Variants in GAS7 observed in about 807,000 individuals in gnomAD.
The protein encoded by GAS7 is growth arrest specific 7, also known as growth arrest-specific protein 7.
Under a neutral mutation model 71.1 loss-of-function variants are expected in GAS7, and 28 were observed. That is an observed-to-expected ratio of 0.39 (90% CI 0.29 to 0.54). The LOEUF (loss-of-function observed/expected upper bound fraction) is 0.54, where lower values mean the gene tolerates loss of function less well. Among genes scored for constraint, GAS7 ranks in the 20% least tolerant of loss-of-function variants. GAS7 has a pLI of 0.62. For missense variants in GAS7, 436 were observed against 627.8 expected (o/e 0.69, Z 3.27); for synonymous variants, 258 against 245.8 (o/e 1.05, Z -0.46).
In GAS7 at chr17:10,160,939, T is replaced by C. The variant is rs371177445; in HGVS notation, c.183+37269A>G. Among the ~76,000 whole-genome samples the C allele has an allele frequency of 2.5e-3, 355 of 139,658 alleles. 2 individuals are homozygous for C. Among genetic ancestry groups the C allele is most frequent in the African/African-American group, 8.6e-3 (324 of 37,684 alleles). 91.6% of individuals were successfully genotyped at this position (139,658 alleles called of 152,430 possible). The stretch of plus-strand genomic sequence containing the variant: ...TTGGAAGCCATAGAAATTGAAACCA[T>C]ACACACACACACACACACACACACA... On this transcript the variant is annotated intron_variant, in intron 1 of 13. Transcript: ENST00000432992.
chr17:9,931,526 A>G (rs1368477097), intron 9 of GAS7, among the ~76,000 whole-genome samples: 1 of 152,112 alleles, frequency 6.6e-6, no homozygotes, highest in South Asian at 2.1e-4. Context: ...AGTTTCTACC[A>G]CAGCAGAGAA....
intron 1 of GAS7, among the ~76,000 whole-genome samples, chr17:10,195,469 C>T (rs903889753): frequency 6.6e-5 from 10 of 152,228 alleles, no homozygotes; most frequent in South Asian, 2.1e-4. Context: ...GTGAAAGTTC[C>T]GCTGGAGTAG....
At chr17:10,134,052 TG>T (rs11334808) in intron 1 of GAS7, among the ~76,000 whole-genome samples, 135,494 of 151,622 alleles carry the variant, frequency 0.89, 60,666 homozygotes, top group East Asian at 1. Flanking sequence ...TTTTTTGAGA[TG>T]GGAGTCTCGC....
chr17:10,023,582 A>T (rs1010395607), intron 1 of GAS7, among the ~76,000 whole-genome samples: 1 of 152,250 alleles, frequency 6.6e-6, no homozygotes, highest in Non-Finnish European at 1.5e-5. Context: ...GAAAGGAGCC[A>T]GACACAAAAG....
rs530728823 is a variant in GAS7, at chr17:10,061,619, G to A, written c.184-41722C>T. ...ATAGTTCAGCTTCTTTTCTAGCTTC[G>A]TCCAAAGATGCACACAAGCACCGAC... On this transcript the variant is annotated intron_variant, in intron 1 of 13. Coordinates refer to ENST00000432992, the MANE Select transcript of GAS7 (RefSeq NM_201433.2). 1.6e-4 allele frequency among the ~76,000 whole-genome samples: 25 copies of A among 152,106 alleles called. No homozygotes were observed. The South Asian group carries it at 4.4e-3, about 27-fold the overall frequency.
chr17:9,915,668 C>T lies in GAS7; in HGVS notation c.*1560G>A, dbSNP rs2067564413. 4.4e-6 allele frequency: 1 copy of T among 229,698 alleles called. No homozygotes were observed. Among genetic ancestry groups the T allele is most frequent in the Non-Finnish European group, 8.6e-6 (1 of 115,894 alleles). 14.2% of individuals were successfully genotyped at this position (229,698 alleles called of 1,614,324 possible). On this transcript the variant is annotated 3_prime_UTR_variant, in exon 14 of 14. Coordinates refer to ENST00000432992, the MANE Select transcript of GAS7 (RefSeq NM_201433.2). ...AAGTCATCGGTTTCTAGCACGTTGA[C>T]TGAAAGACCAGTGAGTTGTGCTTGT...
chr17:10,013,089 C>A (rs2071841347), intron 2 of GAS7, among the ~76,000 whole-genome samples: 1 of 146,204 alleles, frequency 6.8e-6, no homozygotes, highest in Non-Finnish European at 1.5e-5. Flanking sequence ...GGTGACAGAC[C>A]GAGACTCTGT....
intron 1 of GAS7, among the ~76,000 whole-genome samples, chr17:10,135,310 G>C (rs1158862174): frequency 1.3e-5 from 2 of 152,158 alleles, no homozygotes; most frequent in African/African-American, 4.8e-5. Flanking sequence ...TTGGAAAGCT[G>C]CTTCCACCCT....
At chr17:10,038,823 C>T (rs1279498535) in intron 1 of GAS7, among the ~76,000 whole-genome samples, 1 of 151,910 alleles carries the variant, frequency 6.6e-6, no homozygotes, top group Non-Finnish European at 1.5e-5. Context: ...CTTCAGCCTC[C>T]CAAGTAGCTG....
intron 1 of GAS7, among the ~76,000 whole-genome samples, chr17:10,162,228 C>T (rs920463849): frequency 6.1e-5 from 4 of 65,886 alleles, no homozygotes; most frequent in South Asian, 7.3e-4. Context: ...TCTGACAGCC[C>T]GGCCTGAAGA....
chr17:10,135,872 TAGC>T (rs2074033765), intron 1 of GAS7, among the ~76,000 whole-genome samples: 1 of 152,168 alleles, frequency 6.6e-6, no homozygotes, highest in Admixed American at 6.5e-5. Flanking sequence ...GAACTCAACT[TAGC>T]AGAAAACAGT....
intron 6 of GAS7, 149 bp from the exon 7 acceptor site, chr17:9,943,385 C>T (rs1233035006): frequency 1.4e-5 from 9 of 621,688 alleles, no homozygotes; most frequent in Non-Finnish European, 2.6e-5. Context: ...TGCCCTAACT[C>T]GGATCTCTCT....
chr17:10,025,894 G>C (rs1214643861), intron 1 of GAS7, among the ~76,000 whole-genome samples: 1 of 152,182 alleles, frequency 6.6e-6, no homozygotes. Context: ...TTATAAGCAT[G>C]ATTTGTAAAA....
Position 9,916,307 on chromosome 17 carries a change from G to A in GAS7, c.*921C>T. The A allele has an allele frequency of 8.6e-6, 2 of 233,412 alleles. No individual in the cohort carries two copies. The highest frequency in any genetic ancestry group is 1.2e-4 in the East Asian group (2 of 16,570). 14.5% of individuals were successfully genotyped at this position (233,412 alleles called of 1,614,324 possible). A position where few individuals can be genotyped will look rare whatever the true frequency, so the allele number is the denominator to read the frequency against. On this transcript the variant is annotated 3_prime_UTR_variant, in exon 14 of 14. Transcript: ENST00000432992. ...GGCCAGGGCAGCCCAAAGGTGCACA[G>A]GGCACCGTGGCGGACAGGCCCCAGC...
intron 1 of GAS7, among the ~76,000 whole-genome samples, chr17:10,156,984 G>A (rs1395818429): frequency 1.3e-5 from 2 of 152,098 alleles, no homozygotes; most frequent in Non-Finnish European, 2.9e-5. Context: ...AAAGTATTTT[G>A]GTGACCACTT....
intron 9 of GAS7, among the ~76,000 whole-genome samples, chr17:9,932,663 G>A (rs947549735): frequency 2.6e-5 from 4 of 152,184 alleles, no homozygotes; most frequent in African/African-American, 7.2e-5. Flanking sequence ...GAGTCACTTG[G>A]AAACATGGAG....
At chr17:10,044,863 G>A (rs977677059) in intron 1 of GAS7, among the ~76,000 whole-genome samples, 1 of 151,896 alleles carries the variant, frequency 6.6e-6, no homozygotes, top group Non-Finnish European at 1.5e-5. Context: ...GACCATCCTG[G>A]CTAACATGGT....
chr17:9,971,152 T>C (rs1036815791), intron 3 of GAS7, among the ~76,000 whole-genome samples: 1 of 152,088 alleles, frequency 6.6e-6, no homozygotes, highest in Non-Finnish European at 1.5e-5. Flanking sequence ...ATCCCAGTAC[T>C]TCGTGAGGTG....
chr17:10,014,678 C>A (rs138099214), intron 2 of GAS7, among the ~76,000 whole-genome samples: 1,717 of 152,222 alleles, frequency 0.011, 105 homozygotes, highest in Admixed American at 0.1. Flanking sequence ...CTTCCTCGAG[C>A]CCCCAGATTT....
Sources: allele counts gnomAD v4.1 joint callset (sites outside exome capture counted in the v4.1 genomes callset), GRCh38; gene constraint gnomAD v4.1.1; transcripts MANE v1.5; gene names NCBI Gene and HGNC (gene_info 2026-07-23, HGNC 2026-07-21).